Variants in EPHA6 observed in about 807,000 individuals in gnomAD.
EPHA6 encodes the protein EPH receptor A6, also known as ephrin type-A receptor 6.
A neutral mutation model predicts 112.0 loss-of-function variants in EPHA6; 50 were observed. The observed-to-expected ratio is 0.45, with a 90% confidence interval of 0.36 to 0.56. EPHA6 has a LOEUF of 0.56. Ranked by LOEUF, EPHA6 falls within the 20% of genes least tolerant of loss-of-function variation. EPHA6 has a pLI of 0.00. For synonymous variants in EPHA6, 529 were observed against 490.7 expected, an observed-to-expected ratio of 1.08 and a Z score of -1.03; for missense variants, 1,280 against 1,417.4, an observed-to-expected ratio of 0.90 and a Z score of 1.56.
intron 11 of EPHA6, among the ~76,000 whole-genome samples, chr3:97,576,404 C>A (rs1289829348): frequency 1.3e-5 from 2 of 152,156 alleles, no homozygotes; most frequent in African/African-American, 4.8e-5. Context: ...CTTGCCACCT[C>A]CCTTACATCC....
At chr3:96,824,697 G>A (rs1576061645) in intron 1 of EPHA6, among the ~76,000 whole-genome samples, 2 of 152,070 alleles carry the variant, frequency 1.3e-5, no homozygotes, top group East Asian at 3.9e-4. Flanking sequence ...CATGTATTCA[G>A]CTGTACAGTT....
chr3:97,154,687 A>G (rs1462806191), intron 3 of EPHA6, among the ~76,000 whole-genome samples: 1 of 152,148 alleles, frequency 6.6e-6, no homozygotes, highest in Admixed American at 6.6e-5. Flanking sequence ...TTATAGTACA[A>G]CATTGACTAC....
At chr3:97,180,485 G>T (rs2076958061) in intron 3 of EPHA6, among the ~76,000 whole-genome samples, 3 of 152,048 alleles carry the variant, frequency 2.0e-5, no homozygotes, top group African/African-American at 7.2e-5. Flanking sequence ...CACTTGTTAT[G>T]TGCTCAGTCT....
chr3:97,612,901 G>A (rs556108902), intron 13 of EPHA6, among the ~76,000 whole-genome samples: 1 of 152,138 alleles, frequency 6.6e-6, no homozygotes, highest in South Asian at 2.1e-4. Context: ...GGCAGAGCAA[G>A]GATTCAAACT....
At chr3:97,518,484 C>T (rs2092483504) in intron 10 of EPHA6, among the ~76,000 whole-genome samples, 1 of 151,584 alleles carries the variant, frequency 6.6e-6, no homozygotes, top group South Asian at 2.1e-4. Context: ...AAATATCCAG[C>T]AGTGTGATTG....
At chr3:97,602,238 A>G (rs1056166547) in intron 12 of EPHA6, among the ~76,000 whole-genome samples, 1 of 152,084 alleles carries the variant, frequency 6.6e-6, no homozygotes, top group African/African-American at 2.4e-5. Context: ...GATTATTAAT[A>G]TAAACTGATG....
At chr3:97,664,058 T>C (rs2094188939) in intron 14 of EPHA6, among the ~76,000 whole-genome samples, 1 of 152,184 alleles carries the variant, frequency 6.6e-6, no homozygotes, top group Non-Finnish European at 1.5e-5. Context: ...CTCATTGTGG[T>C]TTTGATTTGC....
intron 5 of EPHA6, among the ~76,000 whole-genome samples, chr3:97,330,721 T>A (rs1370027589): frequency 6.6e-6 from 1 of 152,040 alleles, no homozygotes; most frequent in Non-Finnish European, 1.5e-5. Context: ...ATGCACCCAA[T>A]ACAGGAGCAC....
At chr3:97,433,212 ATTG>A (rs1484875245) in intron 6 of EPHA6, among the ~76,000 whole-genome samples, 3 of 152,150 alleles carry the variant, frequency 2.0e-5, no homozygotes, top group Admixed American at 6.5e-5. Context: ...ATGTAAGTTA[ATTG>A]TTGTGATAAA....
At chr3:97,286,482 T>C (rs1353349640) in intron 5 of EPHA6, among the ~76,000 whole-genome samples, 1 of 152,222 alleles carries the variant, frequency 6.6e-6, no homozygotes, top group Non-Finnish European at 1.5e-5. Flanking sequence ...GCACTATTTA[T>C]TAAAGAAGCT....
In EPHA6 at chr3:96,980,810, C is replaced by G. The variant is rs191173704; in HGVS notation, c.451-6520C>G. Reference sequence around the variant, plus strand: ...CCTAGGTATTTTATTCTCTTTGAAGCAATTGTGAATGAGAGTTCACTCATG... The same window carrying G: ...CCTAGGTATTTTATTCTCTTTGAAGGAATTGTGAATGAGAGTTCACTCATG... On this transcript the variant is annotated intron_variant, in intron 2 of 17. Coordinates refer to ENST00000389672, the MANE Select transcript of EPHA6 (RefSeq NM_001080448.3). Among the ~76,000 whole-genome samples, 4 of 152,274 alleles carry G rather than the reference C, an allele frequency of 2.6e-5. No homozygotes were observed. The East Asian group carries it at 7.7e-4, about 29-fold the overall frequency.
intron 5 of EPHA6, among the ~76,000 whole-genome samples, chr3:97,329,557 C>G (rs1336261472): frequency 1.3e-5 from 2 of 151,718 alleles, no homozygotes; most frequent in African/African-American, 4.9e-5. Flanking sequence ...TTGCATTTCT[C>G]TGATGGCCAG....
At chr3:96,837,940 G>A (rs2034515194) in intron 1 of EPHA6, among the ~76,000 whole-genome samples, 1 of 151,968 alleles carries the variant, frequency 6.6e-6, no homozygotes, top group African/African-American at 2.4e-5. Context: ...AGGTAAACAT[G>A]TACCATGGTG....
chr3:96,937,085 T>C (rs532489187), intron 2 of EPHA6, among the ~76,000 whole-genome samples: 147 of 152,350 alleles, frequency 9.6e-4, no homozygotes, highest in African/African-American at 3.4e-3. Flanking sequence ...TGCATGTGTC[T>C]TTATAGCAGC....
intron 3 of EPHA6, among the ~76,000 whole-genome samples, chr3:97,001,155 A>G (rs1411671948): frequency 6.6e-6 from 1 of 151,752 alleles, no homozygotes; most frequent in Non-Finnish European, 1.5e-5. Context: ...AGAAATAAAT[A>G]GTATTCAACT....
intron 3 of EPHA6, among the ~76,000 whole-genome samples, chr3:97,136,529 C>A (rs543746890): frequency 3.7e-4 from 56 of 152,022 alleles, no homozygotes; most frequent in Non-Finnish European, 6.8e-4. Context: ...GCAGCCTAGG[C>A]AACACAGTGA....
intron 3 of EPHA6, among the ~76,000 whole-genome samples, chr3:97,000,745 T>G (rs1185257884): frequency 6.6e-6 from 1 of 151,632 alleles, no homozygotes; most frequent in African/African-American, 2.4e-5. Flanking sequence ...GTCAAGTAAT[T>G]ACGGTAATCA....
intron 11 of EPHA6, among the ~76,000 whole-genome samples, chr3:97,560,874 C>G (rs1300997475): frequency 6.6e-6 from 1 of 152,000 alleles, no homozygotes; most frequent in Non-Finnish European, 1.5e-5. Context: ...ATTTTTTCAA[C>G]AGTATGCACT....
At chr3:97,479,248 C>A (rs1240642231) in intron 8 of EPHA6, 46 bp from the exon 9 acceptor site, 2 of 1,223,714 alleles carry the variant, frequency 1.6e-6, no homozygotes, top group East Asian at 2.5e-5. Context: ...GCATTGTATG[C>A]ATCATACTTC....
Sources: allele counts gnomAD v4.1 joint callset (sites outside exome capture counted in the v4.1 genomes callset), GRCh38; gene constraint gnomAD v4.1.1; transcripts MANE v1.5; gene names NCBI Gene and HGNC (gene_info 2026-07-23, HGNC 2026-07-21).